The following DYSF variants were observed in gnomAD, a reference collection of about 807,000 sequenced individuals.
DYSF encodes the protein dystrophy-associated fer-1-like 1.
DYSF carries 212 observed loss-of-function variants against 274.9 expected under a neutral mutation model. The observed-to-expected ratio is 0.77, with a 90% CI of 0.69 to 0.86. The LOEUF (loss-of-function observed/expected upper bound fraction) is 0.86, where lower values mean the gene tolerates loss of function less well. DYSF is among the 40% of genes least tolerant of loss of function. DYSF has a pLI of 0.00. For missense variants in DYSF, 2,666 were observed against 2,783.2 expected, an observed-to-expected ratio of 0.96 and a Z score of 0.95; for synonymous variants, 1,091 against 1,078.7, an observed-to-expected ratio of 1.01 and a Z score of -0.22.
chr2:71,645,349 G>A (rs1246676593), intron 42 of DYSF, among the ~76,000 whole-genome samples: 1 of 152,042 alleles, frequency 6.6e-6, no homozygotes. Context: ...CTGCTCAGTG[G>A]CCTGGACTCT....
At chr2:71,576,555 C>G (rs953459764) in intron 30 of DYSF, 1 of 154,084 alleles carries the variant, frequency 6.5e-6, no homozygotes, top group African/African-American at 2.4e-5. Flanking sequence ...TGCCAGGCCG[C>G]AGGGCGGGGT....
At chr2:71,535,473 G>A (rs568128457) in intron 16 of DYSF, among the ~76,000 whole-genome samples, 162 bp downstream of exon 16, 22 of 152,150 alleles carry the variant, frequency 1.4e-4, no homozygotes, top group Non-Finnish European at 2.5e-4. Flanking sequence ...GGTGTGGGCA[G>A]TTCCTCGGAA....
intron 12 of DYSF, among the ~76,000 whole-genome samples, chr2:71,523,397 T>C (rs2087513059): frequency 6.6e-6 from 1 of 152,176 alleles, no homozygotes; most frequent in Admixed American, 6.5e-5. Flanking sequence ...GCTGTCCAGC[T>C]AAAAATTGAG....
chr2:71,584,193 G>A (rs556181611), intron 30 of DYSF, among the ~76,000 whole-genome samples: 263 of 152,016 alleles, frequency 1.7e-3, no homozygotes, highest in African/African-American at 6.2e-3. Flanking sequence ...TGTGTGAATG[G>A]GGGTGAAGGG....
intron 24 of DYSF, among the ~76,000 whole-genome samples, chr2:71,566,648 G>A (rs1043433924): frequency 1.3e-5 from 2 of 152,200 alleles, no homozygotes; most frequent in African/African-American, 4.8e-5. Flanking sequence ...GGTGGATGGG[G>A]GAAGTGGGGG....
chr2:71,579,229 C>T (rs1201190369), intron 30 of DYSF, among the ~76,000 whole-genome samples: 1 of 152,150 alleles, frequency 6.6e-6, no homozygotes, highest in East Asian at 1.9e-4. Context: ...GTTGCCCTTG[C>T]CCTGGGCCTG....
At chr2:71,540,046 A>C (rs1463580516) in intron 17 of DYSF, among the ~76,000 whole-genome samples, 1 of 151,814 alleles carries the variant, frequency 6.6e-6, no homozygotes, top group Non-Finnish European at 1.5e-5. Context: ...TATATAATTC[A>C]TGAGTTTCCT....
chr2:71,484,087 CTG>C (rs954963841), intron 3 of DYSF, among the ~76,000 whole-genome samples: 1 of 110,408 alleles, frequency 9.1e-6, no homozygotes, highest in Non-Finnish European at 1.7e-5. Context: ...AAGTCTTGCT[CTG>C]TGGCCCAGGC....
intron 46 of DYSF, 102 bp from the exon 47 acceptor site, chr2:71,665,060 G>A: frequency 1.3e-6 from 2 of 1,581,974 alleles, no homozygotes; most frequent in Admixed American, 3.3e-5. Context: ...AAAGCAAGGA[G>A]TGGGCAATGC....
intron 1 of DYSF, among the ~76,000 whole-genome samples, chr2:71,477,138 G>A (rs2082455989): frequency 6.6e-6 from 1 of 152,132 alleles, no homozygotes; most frequent in South Asian, 2.1e-4. Flanking sequence ...TGCAGGTTTT[G>A]ATCAATAGGA....
At chr2:71,494,796 T>G (rs557635736) in intron 3 of DYSF, among the ~76,000 whole-genome samples, 41 of 152,196 alleles carry the variant, frequency 2.7e-4, no homozygotes, top group Non-Finnish European at 4.9e-4. Flanking sequence ...AGTGTTGGAG[T>G]GAGACAGACA....
intron 4 of DYSF, among the ~76,000 whole-genome samples, chr2:71,506,017 C>T (rs1573585063): frequency 6.6e-6 from 1 of 152,170 alleles, no homozygotes; most frequent in Non-Finnish European, 1.5e-5. Flanking sequence ...CTCAGGGCCA[C>T]AGCTACCCTC....
At chr2:71,596,585 C>T (rs973829693) in intron 32 of DYSF, among the ~76,000 whole-genome samples, 7 of 151,892 alleles carry the variant, frequency 4.6e-5, no homozygotes, top group South Asian at 2.1e-4. Context: ...AGGGGCAGGA[C>T]GGAAAGGGCT....
intron 41 of DYSF, among the ~76,000 whole-genome samples, chr2:71,628,585 A>G (rs1262434347): frequency 6.6e-6 from 1 of 151,336 alleles, no homozygotes; most frequent in Admixed American, 6.6e-5. Context: ...TTCTGTCAGC[A>G]CTCTTTTCTG....
intron 5 of DYSF, 152 bp downstream of exon 5, chr2:71,512,073 T>TGGGTGGGGG: frequency 1.6e-6 from 1 of 631,098 alleles, no homozygotes; most frequent in East Asian, 3.0e-5. Flanking sequence ...GAGGGTGCAG[T>TGGGTGGGGG]GGGTGGGAAG....
intron 51 of DYSF, among the ~76,000 whole-genome samples, chr2:71,670,671 A>G (rs1051290215): frequency 2.6e-5 from 4 of 152,192 alleles, no homozygotes; most frequent in African/African-American, 9.6e-5. Flanking sequence ...TTTAGGTCTC[A>G]TCTGGGGCGT....
chr2:71,579,306 T>A (rs1445273445), intron 30 of DYSF, among the ~76,000 whole-genome samples: 1 of 152,296 alleles, frequency 6.6e-6, no homozygotes, highest in South Asian at 2.1e-4. Flanking sequence ...GGAAAGGTTC[T>A]CTGAGATGCC....
In DYSF at chr2:71,574,339, C is replaced by T; in HGVS notation, c.3370C>T (p.Pro1124Ser). ...CATGGAGCCACTGGAGAAGACGGGG[C>T]CTGCAGCTGTGTTTGCCCTTGAGGG... is the stretch of plus-strand genomic sequence containing the variant. ...RRMEPLEKTG[P>S]AAVFALEGAL... The change falls in exon 30 of 56, where the codon CCT becomes TCT. Residue 1124 changes from proline to serine, a missense_variant. Around this residue, in one of 3 missense-constraint regions of DYSF, gnomAD observed 1,460 missense variants for 1,502.1 expected, o/e 0.97. Transcript: ENST00000410020. 1 of 1,614,010 alleles carries T rather than the reference C, an allele frequency of 6.2e-7. No individual in the cohort carries two copies. The highest frequency in any genetic ancestry group is 8.5e-7 in the Non-Finnish European group (1 of 1,179,912).
At chr2:71,582,818 T>G (rs2092939192) in intron 30 of DYSF, among the ~76,000 whole-genome samples, 1 of 152,058 alleles carries the variant, frequency 6.6e-6, no homozygotes, top group African/African-American at 2.4e-5. Context: ...ATACATAATA[T>G]TTCCATCACA....
Sources: gnomAD v4.1 joint callset for allele counts (sites outside exome capture counted in the v4.1 genomes callset) on GRCh38, gnomAD v4.1.1 for gene constraint, gnomAD v4.1.1 regional missense constraint, MANE v1.5 for transcripts, NCBI Gene and HGNC (gene_info 2026-07-23, HGNC 2026-07-21) for gene names.